The following EPHX2 variants were observed in gnomAD, a reference collection of about 807,000 sequenced individuals.
EPHX2 encodes the protein bifunctional epoxide hydrolase 2.
A neutral mutation model predicts 78.7 loss-of-function variants in EPHX2; 74 were observed. The ratio of observed to expected loss-of-function variants is 0.94; its 90% CI spans 0.78 to 1.14. The LOEUF (loss-of-function observed/expected upper bound fraction) is 1.14, where lower values mean the gene tolerates loss of function less well. Among genes scored for constraint, EPHX2 ranks in the 50% most tolerant of loss-of-function variants. EPHX2 has a pLI of 0.00. For missense variants in EPHX2, 715 were observed against 702.5 expected (o/e 1.02, Z -0.20); for synonymous variants, 251 against 255.2 (o/e 0.98, Z 0.16).
intron 1 of EPHX2, among the ~76,000 whole-genome samples, chr8:27,493,561 C>T (rs1813464583): frequency 6.6e-6 from 1 of 152,158 alleles, no homozygotes; most frequent in Non-Finnish European, 1.5e-5. Flanking sequence ...AGTGGGCATT[C>T]CTAGCCCTAT....
At chr8:27,519,807 G>A (rs1017360415) in intron 9 of EPHX2, among the ~76,000 whole-genome samples, 1 of 152,192 alleles carries the variant, frequency 6.6e-6, no homozygotes, top group Non-Finnish European at 1.5e-5. Context: ...TCCTCTCCAG[G>A]ATGGTGCTTA....
intron 5 of EPHX2, among the ~76,000 whole-genome samples, chr8:27,508,784 G>T (rs967508792): frequency 6.6e-6 from 1 of 152,088 alleles, no homozygotes; most frequent in Non-Finnish European, 1.5e-5. Context: ...GCACGTGTGT[G>T]TGTGGACAGT....
chr8:27,540,076 G>A (rs892316428), intron 14 of EPHX2, among the ~76,000 whole-genome samples: 1 of 152,206 alleles, frequency 6.6e-6, no homozygotes, highest in Non-Finnish European at 1.5e-5. Context: ...CACGTGGGAG[G>A]TGACAGGATG....
At chr8:27,520,835 C>T (rs749704668) in intron 9 of EPHX2, 48 bp from the exon 10 acceptor site, 9 of 1,612,686 alleles carry the variant, frequency 5.6e-6, no homozygotes, top group South Asian at 5.5e-5. Flanking sequence ...AAGGCTGAGG[C>T]AGGCGGGTGT....
intron 14 of EPHX2, among the ~76,000 whole-genome samples, chr8:27,540,014 C>G (rs2132799350): frequency 6.6e-6 from 1 of 152,178 alleles, no homozygotes; most frequent in Middle Eastern, 3.4e-3. Flanking sequence ...TGTGCAGCAC[C>G]CTGAAGACAA....
chr8:27,509,540 G>A (rs1814155919), intron 5 of EPHX2, among the ~76,000 whole-genome samples: 1 of 152,108 alleles, frequency 6.6e-6, no homozygotes, highest in South Asian at 2.1e-4. Flanking sequence ...TGCCTCCCAG[G>A]ATCAAGCGAT....
downstream of EPHX2, among the ~76,000 whole-genome samples, chr8:27,548,212 G>A (rs1274580154): frequency 6.6e-6 from 1 of 152,172 alleles, no homozygotes; most frequent in Admixed American, 6.5e-5. Context: ...TCTGTCTTGG[G>A]GTATAGGGAA....
intron 14 of EPHX2, 199 bp downstream of exon 14, chr8:27,538,891 G>C (rs1421055725): frequency 3.3e-6 from 2 of 598,172 alleles, no homozygotes; most frequent in South Asian, 4.0e-5. Flanking sequence ...CTACCCTCTA[G>C]GGAGCTGTGG....
chr8:27,506,723 T>G (rs1317525300), intron 4 of EPHX2, 149 bp from the exon 5 acceptor site: 7 of 1,149,594 alleles, frequency 6.1e-6, no homozygotes, highest in Non-Finnish European at 2.5e-6. Flanking sequence ...TTTGTTTTCA[T>G]GCGTATGTTG....
intron 12 of EPHX2, among the ~76,000 whole-genome samples, chr8:27,533,052 A>T (rs1022124448): frequency 2.0e-5 from 3 of 152,098 alleles, no homozygotes; most frequent in Non-Finnish European, 2.9e-5. Flanking sequence ...GAGTTTGAGG[A>T]TGTAGTAAGC....
chr8:27,525,232 T>A (rs1404629708), intron 11 of EPHX2, 130 bp from the exon 12 acceptor site: 13 of 743,670 alleles, frequency 1.7e-5, no homozygotes, highest in Non-Finnish European at 2.8e-5. Flanking sequence ...TCCCATTCAC[T>A]GCTAGTGTAT....
chr8:27,517,123 AC>A (rs1814486006), intron 8 of EPHX2, among the ~76,000 whole-genome samples: 1 of 151,986 alleles, frequency 6.6e-6, no homozygotes, highest in South Asian at 2.1e-4. Flanking sequence ...TTTGCTGGAT[AC>A]ATTTATCTTT....
At chr8:27,528,402 G>A (rs1814919785) in intron 12 of EPHX2, among the ~76,000 whole-genome samples, 1 of 152,206 alleles carries the variant, frequency 6.6e-6, no homozygotes, top group South Asian at 2.1e-4. Flanking sequence ...TGGGACTGGA[G>A]GAGAAATCAC....
intron 12 of EPHX2, among the ~76,000 whole-genome samples, chr8:27,531,322 C>T (rs1007641859): frequency 1.3e-5 from 2 of 152,206 alleles, no homozygotes; most frequent in African/African-American, 4.8e-5. Context: ...CAGCATGTGG[C>T]AGGCGGCCCC....
intron 18 of EPHX2, 95 bp downstream of exon 18, chr8:27,544,339 C>A (rs2132810972): frequency 1.3e-6 from 2 of 1,594,288 alleles, no homozygotes; most frequent in Non-Finnish European, 1.7e-6. Context: ...TGGCTTTGGC[C>A]TGGCTTAGCC....
chr8:27,545,284 G>A lies in EPHX2; in HGVS notation c.*762G>A, dbSNP rs939450646. The A allele has an allele frequency of 1.3e-5, 2 of 152,358 alleles. No homozygotes were observed. The highest frequency in any genetic ancestry group is 4.8e-5 in the African/African-American group (2 of 41,436). 9.4% of individuals were successfully genotyped at this position (152,358 alleles called of 1,614,324 possible). A position where few individuals can be genotyped will look rare whatever the true frequency, so the allele number is the denominator to read the frequency against. On this transcript the variant is annotated 3_prime_UTR_variant, in exon 19 of 19. Coordinates refer to ENST00000521400, the MANE Select transcript of EPHX2 (RefSeq NM_001979.6). ...AGTTAAATAGCAGCAGCTGCCATGA[G>A]GCTCAGGCAGATCCAGCTCATCTTC...
rs558288179 is a variant in EPHX2 at position 27,541,954 on chromosome 8, G to A, written c.1449+412G>A. Among the ~76,000 whole-genome samples, 166 of 152,174 alleles carry A rather than the reference G, an allele frequency of 1.1e-3. 1 individual carries two copies. The highest frequency in any genetic ancestry group is 4.1e-3 in the South Asian group (20 of 4,822). ...CTTTAGCCTTCGGTTGTGTCACCTT[G>A]CACAAGTCAATCTCTGAGTCTCAGT... is the stretch of plus-strand genomic sequence containing the variant. On this transcript the variant is annotated intron_variant, in intron 16 of 18. Coordinates refer to ENST00000521400, the MANE Select transcript of EPHX2 (RefSeq NM_001979.6).
chr8:27,502,668 A>G (rs1351738890), intron 2 of EPHX2, among the ~76,000 whole-genome samples: 3 of 152,096 alleles, frequency 2.0e-5, no homozygotes, highest in African/African-American at 7.2e-5. Flanking sequence ...GAGACAGGGG[A>G]AAAAAAGCAA....
intron 3 of EPHX2, among the ~76,000 whole-genome samples, chr8:27,504,483 A>G (rs567088403): frequency 2.8e-4 from 43 of 152,338 alleles, no homozygotes; most frequent in African/African-American, 8.9e-4. Context: ...CTGATTGCCA[A>G]GGCAGGTATT....
Sources: allele counts gnomAD v4.1 joint callset (sites outside exome capture counted in the v4.1 genomes callset), GRCh38; gene constraint gnomAD v4.1.1; transcripts MANE v1.5; gene names NCBI Gene and HGNC (gene_info 2026-07-23, HGNC 2026-07-21).